The following SERPINE3 variants were observed in gnomAD, a reference collection of about 807,000 sequenced individuals.
SERPINE3 encodes the protein serpin E3.
Under a neutral mutation model 41.7 loss-of-function variants are expected in SERPINE3, and 43 were observed. That is an observed-to-expected ratio of 1.03 (90% CI 0.81 to 1.33). SERPINE3 has a LOEUF of 1.33. Among genes scored for constraint, SERPINE3 ranks in the 40% most tolerant of loss-of-function variants. The probability of loss-of-function intolerance (pLI) is 0.00; values close to 1 mark genes in which losing one functional copy is unlikely to be tolerated. For missense variants in SERPINE3, 440 were observed against 491.7 expected, an observed-to-expected ratio of 0.89 and a Z score of 0.99; for synonymous variants, 200 against 192.2, an observed-to-expected ratio of 1.04 and a Z score of -0.34.
chr13:51,352,043 T>C (rs61956916), intron 6 of SERPINE3, among the ~76,000 whole-genome samples: 1 of 152,146 alleles, frequency 6.6e-6, no homozygotes, highest in South Asian at 2.1e-4. Flanking sequence ...TTACTGTAGT[T>C]TGAGTCCTTC....
At chr13:51,356,800 G>A (rs778359365) in intron 7 of SERPINE3, among the ~76,000 whole-genome samples, 34 of 146,106 alleles carry the variant, frequency 2.3e-4, no homozygotes, top group Non-Finnish European at 3.7e-4. Flanking sequence ...TTTTTTTAAC[G>A]CTATTCAAAT....
chr13:51,351,485 G>C (rs539075838), intron 6 of SERPINE3, among the ~76,000 whole-genome samples: 1 of 152,102 alleles, frequency 6.6e-6, no homozygotes, highest in South Asian at 2.1e-4. Context: ...TATTTAAATT[G>C]GTTGTCTTTT....
intron 3 of SERPINE3, among the ~76,000 whole-genome samples, chr13:51,342,545 G>T (rs937937166): frequency 6.6e-6 from 1 of 152,172 alleles, no homozygotes; most frequent in Non-Finnish European, 1.5e-5. Context: ...TGTTCTTCCT[G>T]TGTGCAAATG....
intron 3 of SERPINE3, among the ~76,000 whole-genome samples, chr13:51,342,076 C>T (rs748132498): frequency 1.3e-5 from 2 of 151,422 alleles, no homozygotes; most frequent in Non-Finnish European, 2.9e-5. Context: ...AGCTCAATGC[C>T]TGGCCTCAGA....
intron 9 of SERPINE3, 112 bp from the exon 10 acceptor site, chr13:51,364,127 C>T: frequency 2.1e-6 from 1 of 469,734 alleles, no homozygotes. Context: ...ACAATTCCAT[C>T]TATTAAATGT....
At position 51,344,497 on chromosome 13, in the gene SERPINE3, CTG is replaced by C. The variant is rs774031829; in HGVS notation, c.490+14_490+15del. 1 of 1,547,042 alleles carries C rather than the reference CTG, an allele frequency of 6.5e-7. No individual in the cohort carries two copies. The highest frequency in any genetic ancestry group is 1.2e-5 in the South Asian group (1 of 84,440). ...CAGAGAGACTGCAGGTAAAAGAAAA[CTG>C]TACATTTCAACAAGGCTAAGGCAGA... On this transcript the variant is annotated intron_variant, in intron 4 of 9. Transcript: ENST00000681248.
chr13:51,361,530 A>G (rs1298175803), intron 8 of SERPINE3, 166 bp downstream of exon 8: 5 of 599,466 alleles, frequency 8.3e-6, no homozygotes, highest in Non-Finnish European at 1.5e-5. Flanking sequence ...TTTTTGAAAA[A>G]TGACGGGGAA....
In SERPINE3 at chr13:51,348,407, C is replaced by A; in HGVS notation, c.895C>A (p.Pro299Thr). 6.2e-7 allele frequency: 1 copy of A among 1,612,772 alleles called. No homozygotes were observed. ...GAGAGCCAGGATGGATGTGTTCCTG[C>A]CCAGGTGAGCAGCTGAGTCCCCCTC... ...LRRARMDVFL[P>T]RFRIQNQFNL... Residue 299 changes from proline to threonine, a missense_variant, in exon 6 of 10, where the codon CCC becomes ACC. Pro to Thr is a conservative substitution (Grantham distance 38). Coordinates refer to ENST00000681248, the MANE Select transcript of SERPINE3 (RefSeq NM_001386375.1).
At chr13:51,348,499 C>G in intron 6 of SERPINE3, 88 bp downstream of exon 6, 1 of 1,065,318 alleles carries the variant, frequency 9.4e-7, no homozygotes, top group South Asian at 1.5e-5. Flanking sequence ...CCTCCAGGGT[C>G]TGTGCTTAGC....
intron 8 of SERPINE3, 127 bp downstream of exon 8, chr13:51,361,491 T>C (rs981558958): frequency 5.9e-6 from 4 of 680,020 alleles, no homozygotes; most frequent in Non-Finnish European, 7.5e-6. Flanking sequence ...TAGTATTTTT[T>C]AAAAAGGAAC....
Position 51,343,698 on chromosome 13 carries a change from C to T in SERPINE3, c.257-554C>T, listed in dbSNP as rs186842771. Among the ~76,000 whole-genome samples, 1,291 of 152,308 alleles carry T rather than the reference C, an allele frequency of 8.5e-3. 16 individuals are homozygous for T. Among genetic ancestry groups the T allele is most frequent in the African/African-American group, 0.029 (1,187 of 41,546 alleles). On this transcript the variant is annotated intron_variant, in intron 3 of 9. Transcript: ENST00000681248. ...TCCTCTGTATTTCTCAAATTGAAAG[C>T]ATAGTTCTACACAAGGCTGAATCCA...
intron 6 of SERPINE3, among the ~76,000 whole-genome samples, chr13:51,354,821 G>A (rs1955454832): frequency 6.6e-6 from 1 of 152,158 alleles, no homozygotes; most frequent in African/African-American, 2.4e-5. Context: ...AAGTCAATGG[G>A]AAGACTTAGA....
intron 3 of SERPINE3, among the ~76,000 whole-genome samples, chr13:51,343,714 G>A (rs1955316884): frequency 6.6e-6 from 1 of 152,186 alleles, no homozygotes. Flanking sequence ...TCTACACAAG[G>A]CTGAATCCAA....
intron 3 of SERPINE3, 33 bp downstream of exon 3, chr13:51,341,380 C>A: frequency 6.5e-7 from 1 of 1,544,982 alleles, no homozygotes; most frequent in Non-Finnish European, 8.8e-7. Flanking sequence ...CACTCACTTA[C>A]CCTCCTGTTC....
At chr13:51,348,687 C>T (rs9596504) in intron 6 of SERPINE3, 2 of 407,016 alleles carry the variant, frequency 4.9e-6, no homozygotes, top group Non-Finnish European at 8.9e-6. Context: ...TGGAATGGAG[C>T]CCCCCAGGAC....
At position 51,347,125 on chromosome 13, in the gene SERPINE3, T is replaced by C; in HGVS notation, c.591T>C (p.Thr197=). 2.5e-6 allele frequency: 4 copies of C among 1,613,516 alleles called. No homozygotes were observed. The highest frequency in any genetic ancestry group is 3.4e-6 in the Non-Finnish European group (4 of 1,179,738). Residue 197 remains threonine, a synonymous_variant, in exon 5 of 10, where the codon ACT becomes ACC. Coordinates refer to ENST00000681248, the MANE Select transcript of SERPINE3 (RefSeq NM_001386375.1). The part of the protein sequence containing the change: ...VLVSTMSFQG[T]WRKRFSSTDT... ...TGAGCACCATGTCCTTCCAAGGCAC[T>C]TGGCGAAAGAGATTCTCCTCCACAG...
At chr13:51,357,120 G>A (rs926473103) in intron 7 of SERPINE3, among the ~76,000 whole-genome samples, 1 of 152,164 alleles carries the variant, frequency 6.6e-6, no homozygotes, top group African/African-American at 2.4e-5. Flanking sequence ...ACACCATATG[G>A]CTTGCAGTGG....
In SERPINE3 at chr13:51,361,184, T is replaced by C. The variant is rs1955568842; in HGVS notation, c.1001-94T>C. ...ACACAGTAAGCAGCATTGGATACTA[T>C]AAATTTTGTAAGTACATTTTTAAAG... On this transcript the variant is annotated intron_variant, in intron 7 of 9. Transcript: ENST00000681248. 11 of 832,646 alleles carry C rather than the reference T, an allele frequency of 1.3e-5. No homozygotes were observed. The Admixed American group carries it at 1.9e-4, about 14-fold the overall frequency. The allele number at this position is 832,646 out of a possible 1,614,324, so 51.6% of individuals were successfully genotyped here.
At chr13:51,362,127 G>A in intron 9 of SERPINE3, 2 of 1,331,848 alleles carry the variant, frequency 1.5e-6, no homozygotes, top group East Asian at 5.9e-5. Context: ...CTCATATATA[G>A]TTAATGTAGA....
Sources: gnomAD v4.1 joint callset for allele counts (sites outside exome capture counted in the v4.1 genomes callset) on GRCh38, gnomAD v4.1.1 for gene constraint, MANE v1.5 for transcripts, NCBI Gene and HGNC (gene_info 2026-07-23, HGNC 2026-07-21) for gene names.